TCF12: variants seen among roughly 807,000 people sequenced by gnomAD.
TCF12 encodes DNA-binding protein HTF4.
Under a neutral mutation model 86.0 loss-of-function variants are expected in TCF12, and 45 were observed. The observed-to-expected ratio is 0.52, with a 90% CI of 0.41 to 0.67. TCF12 has a LOEUF of 0.67. Ranked by LOEUF, TCF12 falls within the 30% of genes least tolerant of loss-of-function variation. The probability of loss-of-function intolerance (pLI) is 0.00; values close to 1 mark genes in which losing one functional copy is unlikely to be tolerated. For synonymous variants in TCF12, 330 were observed against 299.6 expected, an observed-to-expected ratio of 1.10 and a Z score of -1.05; for missense variants, 881 against 859.9, an observed-to-expected ratio of 1.02 and a Z score of -0.31.
chr15:56,992,081 G>A (rs927496430), intron 3 of TCF12, among the ~76,000 whole-genome samples: 2 of 150,832 alleles, frequency 1.3e-5, no homozygotes, highest in Non-Finnish European at 3.0e-5. Flanking sequence ...CAGTGAGATC[G>A]TGTCTCTACT....
intron 3 of TCF12, among the ~76,000 whole-genome samples, chr15:56,963,078 G>A (rs1277319086): frequency 1.2e-5 from 1 of 84,066 alleles, no homozygotes; most frequent in South Asian, 4.2e-4. Context: ...TTCTGAAATT[G>A]TAATAAAAAT....
intron 5 of TCF12, among the ~76,000 whole-genome samples, chr15:57,157,233 A>G (rs2054174266): frequency 6.6e-6 from 1 of 152,098 alleles, no homozygotes; most frequent in African/African-American, 2.4e-5. Flanking sequence ...TTAAGACACC[A>G]AGGTGACTTG....
At chr15:57,030,348 C>A (rs1199446724) in intron 3 of TCF12, among the ~76,000 whole-genome samples, 2 of 152,148 alleles carry the variant, frequency 1.3e-5, no homozygotes, top group African/African-American at 4.8e-5. Context: ...AACTGATTCT[C>A]CCACCCCAGC....
At chr15:57,155,345 CA>C (rs2054042295) in intron 5 of TCF12, among the ~76,000 whole-genome samples, 1 of 152,114 alleles carries the variant, frequency 6.6e-6, no homozygotes. Flanking sequence ...GCCTTACTCA[CA>C]AATCAACTTT....
In TCF12 at chr15:56,934,417, G is replaced by A. The variant is rs573401303; in HGVS notation, c.148+13319G>A. On this transcript the variant is annotated intron_variant, in intron 3 of 20. Coordinates refer to ENST00000333725, the MANE Select transcript of TCF12 (RefSeq NM_207037.2). ...CGATACAAAGAGGAGGTTATGAAAC[G>A]CTAGAGAAACTCTTGTCTGCTGTAA... Among the ~76,000 whole-genome samples, 18 of 152,270 alleles carry A rather than the reference G, an allele frequency of 1.2e-4. No individual in the cohort carries two copies. The South Asian group carries it at 3.1e-3, about 26-fold the overall frequency.
chr15:57,216,066 T>C (rs2058318969), intron 8 of TCF12, among the ~76,000 whole-genome samples: 1 of 152,282 alleles, frequency 6.6e-6, no homozygotes, highest in Admixed American at 6.5e-5. Flanking sequence ...AAGCACGTTA[T>C]GGCTTTTTCT....
intron 3 of TCF12, among the ~76,000 whole-genome samples, chr15:57,020,785 C>G (rs1326864093): frequency 2.0e-5 from 3 of 152,056 alleles, no homozygotes; most frequent in African/African-American, 7.2e-5. Context: ...TGTAACAATG[C>G]TAAGCTTTCT....
At position 57,286,901 on chromosome 15, in the gene TCF12, C is replaced by T. The variant is rs1249269902; in HGVS notation, c.*756C>T. The T allele has an allele frequency of 3.3e-6, 1 of 305,304 alleles. No homozygotes were observed. The highest frequency in any genetic ancestry group is 2.2e-5 in the African/African-American group (1 of 45,750). 18.9% of individuals were successfully genotyped at this position (305,304 alleles called of 1,614,324 possible). A position where few individuals can be genotyped will look rare whatever the true frequency, so the allele number is the denominator to read the frequency against. On this transcript the variant is annotated 3_prime_UTR_variant, in exon 21 of 21. Coordinates refer to ENST00000333725, the MANE Select transcript of TCF12 (RefSeq NM_207037.2). ...TCCGTGCAGCCCTGTGTGCTTTGCACATTTACCTTACAGTGGTAAGCAGAG... is the reference window on the plus strand; with the variant it reads ...TCCGTGCAGCCCTGTGTGCTTTGCATATTTACCTTACAGTGGTAAGCAGAG...
intron 6 of TCF12, among the ~76,000 whole-genome samples, chr15:57,182,311 A>G (rs1465610823): frequency 6.6e-6 from 1 of 152,122 alleles, no homozygotes. Flanking sequence ...AGAAAAATAT[A>G]TTATTTTATT....
intron 6 of TCF12, among the ~76,000 whole-genome samples, chr15:57,172,163 T>A (rs1392429720): frequency 1.3e-5 from 2 of 152,126 alleles, no homozygotes; most frequent in African/African-American, 4.8e-5. Flanking sequence ...AATAAAATAA[T>A]AAAAGAGTTG....
At chr15:56,955,688 A>G (rs2061481038) in intron 3 of TCF12, among the ~76,000 whole-genome samples, 1 of 152,170 alleles carries the variant, frequency 6.6e-6, no homozygotes, top group South Asian at 2.1e-4. Flanking sequence ...TTCTGTATGA[A>G]CTTGAAAATG....
At chr15:57,205,842 G>A (rs1245069570) in intron 8 of TCF12, among the ~76,000 whole-genome samples, 1 of 152,178 alleles carries the variant, frequency 6.6e-6, no homozygotes, top group East Asian at 1.9e-4. Context: ...TAATGTCTTT[G>A]ATGTAATTTC....
At chr15:57,187,638 A>G (rs1287968121) in intron 6 of TCF12, among the ~76,000 whole-genome samples, 2 of 152,134 alleles carry the variant, frequency 1.3e-5, no homozygotes, top group Non-Finnish European at 2.9e-5. Context: ...AGCTTGTTCT[A>G]AACAGATTAG....
At chr15:57,052,726 T>G (rs1452725190) in intron 3 of TCF12, among the ~76,000 whole-genome samples, 1 of 152,148 alleles carries the variant, frequency 6.6e-6, no homozygotes, top group Non-Finnish European at 1.5e-5. Flanking sequence ...ATGTTATTTA[T>G]AAATACTTCT....
intron 3 of TCF12, among the ~76,000 whole-genome samples, chr15:56,931,946 C>T (rs747603544): frequency 4.6e-5 from 7 of 152,192 alleles, no homozygotes; most frequent in Non-Finnish European, 1.0e-4. Flanking sequence ...ATTAAATCCA[C>T]TTAAAGTTTG....
intron 3 of TCF12, among the ~76,000 whole-genome samples, chr15:57,029,006 C>T (rs1176300868): frequency 6.6e-6 from 1 of 152,042 alleles, no homozygotes; most frequent in East Asian, 1.9e-4. Flanking sequence ...ACCATGTTGG[C>T]CAGGCTGGTC....
chr15:57,264,053 A>G (rs1188539378), intron 18 of TCF12, among the ~76,000 whole-genome samples: 2 of 152,076 alleles, frequency 1.3e-5, no homozygotes, highest in East Asian at 3.8e-4. Flanking sequence ...CTTCAATAGT[A>G]AATTAACCTT....
rs570272383 is a variant in TCF12 at position 57,283,143 on chromosome 15, AAGTTATTATATATGTTAG to A, written c.*11+548_*11+565del. ...CCTCTAGAATCTATTAATGAATGGGAAGTTATTATATATGTTAGAGCCAGAATGCCCTTCTCTCTGGTG... is the reference window on the plus strand; with the variant it reads ...CCTCTAGAATCTATTAATGAATGGGAAGCCAGAATGCCCTTCTCTCTGGTG... On this transcript the variant is annotated intron_variant, in intron 20 of 20. Transcript: ENST00000333725. Among the ~76,000 whole-genome samples, 261 of 152,304 alleles carry A rather than the reference AAGTTATTATATATGTTAG, an allele frequency of 1.7e-3. 1 individual carries two copies. Among genetic ancestry groups the A allele is most frequent in the African/African-American group, 6.1e-3 (253 of 41,564 alleles).
At chr15:57,266,105 A>C (rs2060856661) in intron 18 of TCF12, among the ~76,000 whole-genome samples, 1 of 148,538 alleles carries the variant, frequency 6.7e-6, no homozygotes, top group African/African-American at 2.5e-5. Flanking sequence ...TTATTTATTT[A>C]TTTATTTATT....
Sources: allele counts gnomAD v4.1 joint callset (sites outside exome capture counted in the v4.1 genomes callset), GRCh38; gene constraint gnomAD v4.1.1; transcripts MANE v1.5; gene names NCBI Gene and HGNC (gene_info 2026-07-23, HGNC 2026-07-21).